The following MACROD2 variants were observed in gnomAD, a reference collection of about 807,000 sequenced individuals.
MACROD2 encodes mono-ADP ribosylhydrolase 2.
MACROD2 carries 36 observed loss-of-function variants against 70.4 expected under a neutral mutation model. That is an observed-to-expected ratio of 0.51 (90% confidence interval 0.39 to 0.68). The LOEUF is 0.68. Among genes scored for constraint, MACROD2 ranks in the 30% least tolerant of loss-of-function variants. The pLI is 0.00. For missense variants in MACROD2, 496 were observed against 538.4 expected (o/e 0.92, Z 0.78); for synonymous variants, 172 against 178.8 (o/e 0.96, Z 0.30).
chr20:14,472,588 A>G (rs1349284792), intron 3 of MACROD2, among the ~76,000 whole-genome samples: 1 of 152,218 alleles, frequency 6.6e-6, no homozygotes, highest in Non-Finnish European at 1.5e-5. Flanking sequence ...TGGACCCAGA[A>G]AAATAATTAA....
At chr20:14,166,804 C>A (rs73257128) in intron 3 of MACROD2, among the ~76,000 whole-genome samples, 1 of 152,104 alleles carries the variant, frequency 6.6e-6, no homozygotes, top group Non-Finnish European at 1.5e-5. Context: ...ATCCTATTGT[C>A]CCATAATAGA....
At chr20:15,088,339 A>G (rs1382828446) in intron 5 of MACROD2, among the ~76,000 whole-genome samples, 1 of 147,582 alleles carries the variant, frequency 6.8e-6, no homozygotes, top group Non-Finnish European at 1.5e-5. Flanking sequence ...CAAAGCAATG[A>G]AATAGATCAG....
chr20:14,770,385 G>A (rs893643943), intron 5 of MACROD2, among the ~76,000 whole-genome samples: 1 of 151,822 alleles, frequency 6.6e-6, no homozygotes, highest in Non-Finnish European at 1.5e-5. Flanking sequence ...CTGATTTTAG[G>A]ATTTCTCTTT....
intron 4 of MACROD2, among the ~76,000 whole-genome samples, chr20:14,560,466 A>G (rs945387341): frequency 1.3e-5 from 2 of 152,012 alleles, no homozygotes; most frequent in African/African-American, 4.8e-5. Context: ...ATGTGGTTGG[A>G]TATAAGAAAG....
At chr20:15,687,345 G>A (rs1393855717) in intron 8 of MACROD2, among the ~76,000 whole-genome samples, 5 of 151,558 alleles carry the variant, frequency 3.3e-5, no homozygotes, top group African/African-American at 4.8e-5. Flanking sequence ...TAATAAGCAC[G>A]TGATAAATGA....
intron 5 of MACROD2, among the ~76,000 whole-genome samples, chr20:14,726,954 A>T (rs1425795144): frequency 6.6e-6 from 1 of 152,196 alleles, no homozygotes; most frequent in Non-Finnish European, 1.5e-5. Flanking sequence ...CCCTCCCATC[A>T]GCAGTCTTAT....
chr20:15,969,848 C>T (rs1048390170), intron 13 of MACROD2, among the ~76,000 whole-genome samples: 1 of 151,484 alleles, frequency 6.6e-6, no homozygotes, highest in African/African-American at 2.4e-5. Flanking sequence ...CCTTTGAACT[C>T]TAAGCAGAAT....
chr20:15,227,892 T>A (rs2076924796), intron 5 of MACROD2, among the ~76,000 whole-genome samples: 1 of 139,354 alleles, frequency 7.2e-6, no homozygotes, highest in Non-Finnish European at 1.5e-5. Context: ...CCGAACCCAT[T>A]TGGGGAAATG....
chr20:15,091,213 G>T (rs764725865), intron 5 of MACROD2, among the ~76,000 whole-genome samples: 43 of 151,820 alleles, frequency 2.8e-4, no homozygotes, highest in Non-Finnish European at 5.0e-4. Context: ...TTGCCTCTCT[G>T]GTATGGTCTG....
At chr20:14,748,848 T>C (rs909356409) in intron 5 of MACROD2, among the ~76,000 whole-genome samples, 1 of 152,064 alleles carries the variant, frequency 6.6e-6, no homozygotes, top group African/African-American at 2.4e-5. Context: ...TCAGCATCTC[T>C]GCCATCCATG....
rs969163705 is a variant in MACROD2 at position 15,845,932 on chromosome 20, G to A, written c.646-16813G>A. ...AAATTTAAGCCTATTCTCTTGATCC[G>A]AACCTCCTCTCCCACAAAACAGAAC... On this transcript the variant is annotated intron_variant, in intron 8 of 17. Transcript: ENST00000684519. Among the ~76,000 whole-genome samples, 12 of 152,250 alleles carry A rather than the reference G, an allele frequency of 7.9e-5. No individual in the cohort carries two copies. The East Asian group carries it at 1.7e-3, about 22-fold the overall frequency.
intron 2 of MACROD2, among the ~76,000 whole-genome samples, chr20:14,081,970 C>T (rs1456834984): frequency 1.3e-5 from 2 of 151,860 alleles, no homozygotes; most frequent in Non-Finnish European, 2.9e-5. Flanking sequence ...GAGTAAAGAC[C>T]ATTTTGAGTA....
intron 3 of MACROD2, among the ~76,000 whole-genome samples, chr20:14,163,665 G>A (rs951115910): frequency 6.7e-6 from 1 of 150,334 alleles, no homozygotes; most frequent in Non-Finnish European, 1.5e-5. Context: ...CTTTATTTTT[G>A]TCTGACTAGG....
intron 5 of MACROD2, among the ~76,000 whole-genome samples, chr20:15,202,959 G>A (rs948396612): frequency 2.6e-5 from 4 of 152,016 alleles, no homozygotes; most frequent in Admixed American, 2.6e-4. Context: ...TTTTATTCCT[G>A]GCAACAGTGA....
At chr20:15,445,035 A>G (rs2046544415) in intron 7 of MACROD2, among the ~76,000 whole-genome samples, 1 of 152,134 alleles carries the variant, frequency 6.6e-6, no homozygotes, top group South Asian at 2.1e-4. Flanking sequence ...CTTTTAGGGC[A>G]GGGACTTTGA....
At chr20:15,751,080 G>A (rs1457543147) in intron 8 of MACROD2, among the ~76,000 whole-genome samples, 3 of 151,896 alleles carry the variant, frequency 2.0e-5, no homozygotes, top group Middle Eastern at 3.2e-3. Flanking sequence ...GGATTCTATT[G>A]CACAGATAAA....
At chr20:14,172,864 G>T (rs911126942) in intron 3 of MACROD2, among the ~76,000 whole-genome samples, 3 of 152,088 alleles carry the variant, frequency 2.0e-5, no homozygotes, top group Non-Finnish European at 1.5e-5. Flanking sequence ...TTCAGCATTT[G>T]TTTGTGTGAA....
intron 3 of MACROD2, among the ~76,000 whole-genome samples, chr20:14,086,894 AAGAATACAGAGTTC>A (rs2054082687): frequency 6.6e-6 from 1 of 152,170 alleles, no homozygotes; most frequent in South Asian, 2.1e-4. Context: ...GGCTCTTTCC[AAGAATACAGAGTTC>A]AGGTGAGTTT....
intron 8 of MACROD2, among the ~76,000 whole-genome samples, chr20:15,798,108 T>G (rs2063691406): frequency 6.6e-6 from 1 of 152,234 alleles, no homozygotes; most frequent in Non-Finnish European, 1.5e-5. Context: ...GGCTTTGGAA[T>G]AGAGGATGAT....
Sources: gnomAD v4.1 joint callset for allele counts (sites outside exome capture counted in the v4.1 genomes callset) on GRCh38, gnomAD v4.1.1 for gene constraint, MANE v1.5 for transcripts, NCBI Gene and HGNC (gene_info 2026-07-23, HGNC 2026-07-21) for gene names.